The following PCDHA7 variants were observed in gnomAD, a reference collection of about 807,000 sequenced individuals.
PCDHA7 encodes the protein protocadherin alpha 7.
PCDHA7 carries 37 observed loss-of-function variants against 57.2 expected under a neutral mutation model. The ratio of observed to expected loss-of-function variants is 0.65; its 90% CI spans 0.50 to 0.85. The LOEUF is 0.85. Ranked by LOEUF, PCDHA7 falls within the 40% of genes least tolerant of loss-of-function variation. The probability of loss-of-function intolerance (pLI) is 0.00; values close to 1 mark genes in which losing one functional copy is unlikely to be tolerated. For synonymous variants in PCDHA7, 553 were observed against 558.8 expected, an observed-to-expected ratio of 0.99 and a Z score of 0.15; for missense variants, 1,188 against 1,241.8, an observed-to-expected ratio of 0.96 and a Z score of 0.65.
intron 1 of PCDHA7, chr5:140,928,268 G>A: frequency 6.2e-7 from 1 of 1,614,164 alleles, no homozygotes; most frequent in Non-Finnish European, 8.5e-7. Context: ...GAAAACAATG[G>A]CCCTGGGGCC....
intron 1 of PCDHA7, chr5:140,856,443 T>C: frequency 6.3e-7 from 1 of 1,598,282 alleles, no homozygotes; most frequent in Non-Finnish European, 8.6e-7. Flanking sequence ...CCGCCCAGGT[T>C]CTCCGTAACA....
chr5:140,984,644 C>T (rs969349039), intron 3 of PCDHA7, among the ~76,000 whole-genome samples: 20 of 152,136 alleles, frequency 1.3e-4, no homozygotes, highest in African/African-American at 4.3e-4. Context: ...CTGCCTTCTC[C>T]CTGTCCTTCT....
intron 1 of PCDHA7, chr5:140,857,757 G>C (rs782736508): frequency 6.3e-7 from 1 of 1,597,402 alleles, no homozygotes; most frequent in Non-Finnish European, 8.6e-7. Flanking sequence ...TCTCCCGCTG[G>C]CAGCGCGGGC....
intron 1 of PCDHA7, among the ~76,000 whole-genome samples, chr5:140,872,251 T>C (rs557937835): frequency 3.3e-5 from 5 of 152,196 alleles, no homozygotes; most frequent in Non-Finnish European, 7.3e-5. Flanking sequence ...CCTGTGATAA[T>C]ACTTGTTTTC....
intron 3 of PCDHA7, among the ~76,000 whole-genome samples, chr5:140,985,795 A>G (rs2097171299): frequency 7.3e-6 from 1 of 136,386 alleles, no homozygotes; most frequent in African/African-American, 2.8e-5. Context: ...GCTGGAGTGC[A>G]GTGGCACGAT....
intron 3 of PCDHA7, among the ~76,000 whole-genome samples, chr5:140,987,234 A>G (rs2097240958): frequency 6.6e-6 from 1 of 151,980 alleles, no homozygotes; most frequent in Non-Finnish European, 1.5e-5. Context: ...AAAATAATAA[A>G]TAAAGAAAGA....
intron 3 of PCDHA7, among the ~76,000 whole-genome samples, chr5:140,999,702 T>A (rs78322991): frequency 6.6e-6 from 1 of 152,136 alleles, no homozygotes; most frequent in South Asian, 2.1e-4. Context: ...GATTTTTTTT[T>A]AGCTAACTAC....
intron 1 of PCDHA7, among the ~76,000 whole-genome samples, chr5:140,945,166 T>C (rs145739178): frequency 2.6e-5 from 4 of 152,112 alleles, no homozygotes; most frequent in African/African-American, 9.6e-5. Context: ...TTGAACTATC[T>C]GAAAAATAAA....
At chr5:140,876,539 C>T (rs1030865953) in intron 1 of PCDHA7, 5 of 1,614,170 alleles carry the variant, frequency 3.1e-6, no homozygotes, top group Admixed American at 1.7e-5. Flanking sequence ...ACTTCACTGT[C>T]GCTCCCTGTG....
intron 1 of PCDHA7, chr5:140,969,293 C>T: frequency 6.2e-7 from 1 of 1,614,188 alleles, no homozygotes; most frequent in Admixed American, 1.7e-5. Flanking sequence ...TGCTGGGAAC[C>T]TGATTATTCT....
chr5:140,861,872 G>T (rs1554155357), intron 1 of PCDHA7: 1 of 155,960 alleles, frequency 6.4e-6, no homozygotes, highest in Non-Finnish European at 1.4e-5. Context: ...TGATGGGGGC[G>T]AAGCTGAGCT....
At chr5:140,888,503 T>C (rs1582952197) in intron 1 of PCDHA7, among the ~76,000 whole-genome samples, 1 of 152,132 alleles carries the variant, frequency 6.6e-6, no homozygotes, top group East Asian at 1.9e-4. Context: ...CTTTAAAGAG[T>C]CTTGGACTTA....
At chr5:140,936,863 A>G (rs1177234152) in intron 1 of PCDHA7, among the ~76,000 whole-genome samples, 1 of 152,120 alleles carries the variant, frequency 6.6e-6, no homozygotes, top group East Asian at 1.9e-4. Context: ...CTCAGTTTCT[A>G]TTTTAAAAAA....
At chr5:140,850,806 G>A (rs1359393363) in intron 1 of PCDHA7, 2 of 1,598,276 alleles carry the variant, frequency 1.3e-6, no homozygotes, top group Non-Finnish European at 1.7e-6. Flanking sequence ...CGACCTCATG[G>A]CCTTCAGCCC....
intron 1 of PCDHA7, among the ~76,000 whole-genome samples, chr5:140,888,562 G>T (rs781854673): frequency 6.6e-6 from 1 of 152,112 alleles, no homozygotes; most frequent in East Asian, 1.9e-4. Flanking sequence ...TCCTTTCAAG[G>T]CTTCATTTTA....
intron 3 of PCDHA7, among the ~76,000 whole-genome samples, chr5:141,007,754 T>C (rs991882656): frequency 6.6e-6 from 1 of 152,172 alleles, no homozygotes; most frequent in African/African-American, 2.4e-5. Flanking sequence ...AACTTTGGAC[T>C]CTTATTGGCC....
chr5:140,841,134 G>T, intron 1 of PCDHA7: 1 of 689,850 alleles, frequency 1.4e-6, no homozygotes. Flanking sequence ...ACCTTTTGAA[G>T]CCACATGATG....
chr5:140,846,269 G>T (rs1676658281), intron 1 of PCDHA7, among the ~76,000 whole-genome samples: 1 of 148,838 alleles, frequency 6.7e-6, no homozygotes, highest in Admixed American at 6.7e-5. Context: ...ATGATTTAAA[G>T]TCAATTTATG....
intron 3 of PCDHA7, 56 bp downstream of exon 3, chr5:140,982,619 C>G (rs561557496): frequency 7.5e-6 from 12 of 1,589,654 alleles, no homozygotes; most frequent in Middle Eastern, 3.4e-4. Context: ...GATCAGATGA[C>G]CTACTTTTGT....
Sources: gnomAD v4.1 joint callset for allele counts (sites outside exome capture counted in the v4.1 genomes callset) on GRCh38, gnomAD v4.1.1 for gene constraint, MANE v1.5 for transcripts, NCBI Gene and HGNC (gene_info 2026-07-23, HGNC 2026-07-21) for gene names.